The following SEM1 variants were observed in gnomAD, a reference collection of about 807,000 sequenced individuals.
The protein encoded by SEM1 is 26S proteasome complex subunit SEM1.
A neutral mutation model predicts 12.7 loss-of-function variants in SEM1; 3 were observed. That is an observed-to-expected ratio of 0.24 (90% CI 0.11 to 0.61). The LOEUF (loss-of-function observed/expected upper bound fraction) is 0.61. Ranked by LOEUF, SEM1 falls within the 20% of genes least tolerant of loss-of-function variation. The pLI is 0.88. For missense variants in SEM1, 59 were observed against 81.3 expected (o/e 0.73, Z 1.06); for synonymous variants, 30 against 27.8 (o/e 1.08, Z -0.25).
At chr7:96,553,644 G>C (rs1285669695) in intron 2 of SEM1, among the ~76,000 whole-genome samples, 1 of 152,132 alleles carries the variant, frequency 6.6e-6, no homozygotes, top group Non-Finnish European at 1.5e-5. Context: ...CTCCAGCTTT[G>C]TTCTTTTGGC....
intron 2 of SEM1, among the ~76,000 whole-genome samples, chr7:96,648,780 A>G (rs1300278834): frequency 1.3e-5 from 2 of 152,202 alleles, no homozygotes; most frequent in Non-Finnish European, 2.9e-5. Context: ...ATTTTTTGCA[A>G]GTCAGTTTTT....
At chr7:96,573,197 T>A (rs1273466748) in intron 2 of SEM1, among the ~76,000 whole-genome samples, 1 of 152,062 alleles carries the variant, frequency 6.6e-6, no homozygotes, top group African/African-American at 2.4e-5. Flanking sequence ...ACATGACATG[T>A]GTCTCCTGAA....
chr7:96,614,545 A>G (rs532776472), intron 2 of SEM1, among the ~76,000 whole-genome samples: 1 of 152,320 alleles, frequency 6.6e-6, no homozygotes, highest in Non-Finnish European at 1.5e-5. Flanking sequence ...TCTTGCTACA[A>G]CTTATATTTT....
At chr7:96,490,684 G>A (rs1802971218) in intron 1 of SEM1, among the ~76,000 whole-genome samples, 1 of 152,154 alleles carries the variant, frequency 6.6e-6, no homozygotes, top group South Asian at 2.1e-4. Flanking sequence ...GGACTAACAT[G>A]CAAGCCACAA....
intron 2 of SEM1, among the ~76,000 whole-genome samples, chr7:96,564,634 T>C (rs1805792723): frequency 6.6e-6 from 1 of 151,916 alleles, no homozygotes; most frequent in Admixed American, 6.6e-5. Context: ...GGATCATGCA[T>C]AGAGGAACCA....
At chr7:96,559,152 C>T (rs1475091457) in intron 2 of SEM1, among the ~76,000 whole-genome samples, 2 of 152,090 alleles carry the variant, frequency 1.3e-5, no homozygotes, top group African/African-American at 4.8e-5. Context: ...CTTAGGTATC[C>T]ATAATCCCAT....
At chr7:96,557,792 C>G (rs943934132) in intron 2 of SEM1, among the ~76,000 whole-genome samples, 7 of 151,924 alleles carry the variant, frequency 4.6e-5, no homozygotes, top group Admixed American at 1.3e-4. Flanking sequence ...CCCCCAGCCT[C>G]GCTGCCGCCT....
At chr7:96,513,135 G>A (rs372687545) in intron 2 of SEM1, among the ~76,000 whole-genome samples, 56 of 152,094 alleles carry the variant, frequency 3.7e-4, no homozygotes, top group African/African-American at 1.1e-3. Context: ...GTTTGGATAC[G>A]GAGACAGATA....
At chr7:96,696,355 T>C (rs1308762569) in intron 1 of SEM1, 1 of 152,000 alleles carries the variant, frequency 6.6e-6, no homozygotes, top group South Asian at 2.1e-4. Flanking sequence ...ATACAGTACT[T>C]CATAGTTATG....
intron 2 of SEM1, among the ~76,000 whole-genome samples, chr7:96,554,346 G>T (rs7785307): frequency 0.42 from 32,779 of 77,376 alleles, 7,252 homozygotes; most frequent in East Asian, 0.53. Flanking sequence ...CATAGATAGC[G>T]CTTATTATTT....
upstream of SEM1, among the ~76,000 whole-genome samples, chr7:96,500,673 A>G (rs941271275): frequency 6.6e-6 from 1 of 152,158 alleles, no homozygotes; most frequent in Non-Finnish European, 1.5e-5. Context: ...CACCACTGCT[A>G]TTCTAACTTA....
intron 2 of SEM1, among the ~76,000 whole-genome samples, chr7:96,690,158 T>G (rs936597280): frequency 6.6e-6 from 1 of 152,168 alleles, no homozygotes; most frequent in African/African-American, 2.4e-5. Flanking sequence ...ATGTTAAAAT[T>G]TTATAATTTA....
At chr7:96,509,792 G>A (rs12666401) in intron 2 of SEM1, among the ~76,000 whole-genome samples, 13,325 of 152,084 alleles carry the variant, frequency 0.088, 741 homozygotes, top group South Asian at 0.18. Context: ...TAAGTCATAC[G>A]CAAAAGGACA....
intron 1 of SEM1, chr7:96,697,509 G>C (rs1376339483): frequency 6.6e-6 from 1 of 152,086 alleles, no homozygotes; most frequent in Middle Eastern, 3.4e-3. Context: ...TAGCATTTTT[G>C]AGAAAAGTAA....
chr7:96,567,930 ATG>A (rs1805896635), intron 2 of SEM1, among the ~76,000 whole-genome samples: 1 of 150,672 alleles, frequency 6.6e-6, no homozygotes, highest in Non-Finnish European at 1.5e-5. Flanking sequence ...ACACACACAC[ATG>A]CACACACATA....
chr7:96,598,394 A>AT lies in SEM1; in HGVS notation c.171-91697dup, dbSNP rs67429460. 2.9e-3 allele frequency among the ~76,000 whole-genome samples: 424 copies of AT among 144,862 alleles called. 2 individuals carry two copies. Among genetic ancestry groups the AT allele is most frequent in the African/African-American group, 0.011 (418 of 39,692 alleles). Reference sequence around the variant, plus strand: ...ATATTGTATAAAGATTCAGACTTGGATTTTTTTTTTTTTTTCCCCCAAATA... The same window carrying AT: ...ATATTGTATAAAGATTCAGACTTGGATTTTTTTTTTTTTTTTCCCCCAAATA... On this transcript the variant is annotated intron_variant and NMD_transcript_variant, in intron 2 of 3. Coordinates refer to the SEM1 transcript ENST00000466986.
At chr7:96,706,991 G>A (rs1790487292) in intron 1 of SEM1, among the ~76,000 whole-genome samples, 1 of 152,158 alleles carries the variant, frequency 6.6e-6, no homozygotes, top group Non-Finnish European at 1.5e-5. Context: ...GTAAATCAGG[G>A]CATTAATACT....
At chr7:96,649,591 G>A (rs550550353) in intron 2 of SEM1, 2 of 152,276 alleles carry the variant, frequency 1.3e-5, no homozygotes, top group African/African-American at 4.8e-5. Context: ...TCAATAAGCT[G>A]CTACTTCCAA....
chr7:96,620,184 A>G (rs1807848211), downstream of SEM1, among the ~76,000 whole-genome samples: 7 of 152,160 alleles, frequency 4.6e-5, no homozygotes, highest in South Asian at 1.5e-3. Flanking sequence ...GCCTGCGTCC[A>G]GGGTCCAGGG....
Sources: gnomAD v4.1 joint callset for allele counts (sites outside exome capture counted in the v4.1 genomes callset) on GRCh38, gnomAD v4.1.1 for gene constraint, MANE v1.5 for transcripts, NCBI Gene and HGNC (gene_info 2026-07-23, HGNC 2026-07-21) for gene names.